Variants in IQCH observed in about 807,000 individuals in gnomAD.
IQCH encodes IQ motif containing H, also known as IQ domain-containing protein H.
A neutral mutation model predicts 117.0 loss-of-function variants in IQCH; 98 were observed. The ratio of observed to expected loss-of-function variants is 0.84; its 90% CI spans 0.71 to 0.99. The LOEUF (loss-of-function observed/expected upper bound fraction) is 0.99. Among genes scored for constraint, IQCH ranks in the 50% least tolerant of loss-of-function variants. The pLI, the probability that IQCH is intolerant of heterozygous loss-of-function variation, is 0.00. For missense variants in IQCH, 1,102 were observed against 1,243.8 expected (o/e 0.89, Z 1.72); for synonymous variants, 412 against 448.2 (o/e 0.92, Z 1.02).
In IQCH at chr15:67,387,979, T is replaced by A. The variant is rs1971161822; in HGVS notation, c.1457-852T>A. 6.6e-6 allele frequency among the ~76,000 whole-genome samples: 1 copy of A among 152,192 alleles called. No homozygotes were observed. Among genetic ancestry groups the A allele is most frequent in the Non-Finnish European group, 1.5e-5 (1 of 68,040 alleles). ...GCATGCTTCATCGTGCCCACAATGA[T>A]TACTGTATTTCCCTCCACATTTAGC... is the stretch of plus-strand genomic sequence containing the variant. On this transcript the variant is annotated intron_variant, in intron 11 of 20. Transcript: ENST00000335894. This position sits in a 1 kb window ranked among gnomAD's most constrained non-coding sequence, Gnocchi z 4.8.
intron 18 of IQCH, among the ~76,000 whole-genome samples, chr15:67,480,788 A>G (rs2083318990): frequency 6.6e-6 from 1 of 152,178 alleles, no homozygotes; most frequent in Non-Finnish European, 1.5e-5. Flanking sequence ...ATTACTTGGA[A>G]GGCAAATAAT....
chr15:67,297,866 C>T (rs1039539198), intron 4 of IQCH, among the ~76,000 whole-genome samples: 2 of 151,996 alleles, frequency 1.3e-5, no homozygotes, highest in African/African-American at 2.4e-5. Context: ...AGCTTCTGCA[C>T]AGCAAAAAGA....
intron 1 of IQCH, among the ~76,000 whole-genome samples, chr15:67,258,404 T>C (rs2140424438): frequency 6.7e-6 from 1 of 150,094 alleles, no homozygotes; most frequent in East Asian, 2.0e-4. Context: ...GGTGGCATGC[T>C]CTTATAATCC....
At chr15:67,378,652 G>A (rs1970818166) in intron 10 of IQCH, among the ~76,000 whole-genome samples, 1 of 151,848 alleles carries the variant, frequency 6.6e-6, no homozygotes, top group East Asian at 1.9e-4. Context: ...AGTTGGTCCC[G>A]TGATCTTATA....
chr15:67,417,406 C>T lies in IQCH; in HGVS notation c.2218+355C>T, dbSNP rs1288192840. ...CCACCAAGGCTCGTTTCCTCACTTA[C>T]CTACCTTACAGGGTCATTGGGTGGA... On this transcript the variant is annotated intron_variant, in intron 15 of 20. Coordinates refer to ENST00000335894, the MANE Select transcript of IQCH (RefSeq NM_001031715.3). The surrounding 1 kb of genome is among the most constrained non-coding windows in gnomAD (Gnocchi z 4.3). 1.3e-5 allele frequency among the ~76,000 whole-genome samples: 2 copies of T among 152,284 alleles called. No homozygotes were observed. Among genetic ancestry groups the T allele is most frequent in the South Asian group, 4.1e-4 (2 of 4,820 alleles).
intron 8 of IQCH, among the ~76,000 whole-genome samples, chr15:67,368,508 TA>T (rs1970412628): frequency 1.3e-5 from 2 of 152,244 alleles, no homozygotes; most frequent in Non-Finnish European, 2.9e-5. Flanking sequence ...ATTCATATTC[TA>T]AATGCAAACT....
At chr15:67,283,326 G>A in intron 4 of IQCH, among the ~76,000 whole-genome samples, 1 of 152,164 alleles carries the variant, frequency 6.6e-6, no homozygotes, top group East Asian at 1.9e-4. Flanking sequence ...TACGTATGCA[G>A]ATATGTAGGG....
chr15:67,367,389 A>G (rs1437572992), intron 8 of IQCH, among the ~76,000 whole-genome samples: 1 of 151,986 alleles, frequency 6.6e-6, no homozygotes, highest in Non-Finnish European at 1.5e-5. Flanking sequence ...AATTACAAAA[A>G]TTAGATGGGC....
In IQCH at chr15:67,304,340, G is replaced by A. The variant is rs950058541; in HGVS notation, c.387+24828G>A. The stretch of plus-strand genomic sequence containing the variant: ...AGTTTCATTGTTTCTTTGTTTCAGC[G>A]AAAGATAGGGTTGAATGTAAAAATC... On this transcript the variant is annotated intron_variant, in intron 4 of 20. Coordinates refer to ENST00000335894, the MANE Select transcript of IQCH (RefSeq NM_001031715.3). 5.4e-5 allele frequency: 81 copies of A among 1,493,926 alleles called. No individual in the cohort carries two copies. The African/African-American group carries it at 7.8e-4, about 14-fold the overall frequency. 92.5% of individuals were successfully genotyped at this position (1,493,926 alleles called of 1,614,324 possible).
chr15:67,266,518 G>A (rs58056167), intron 3 of IQCH, among the ~76,000 whole-genome samples: 2,218 of 152,204 alleles, frequency 0.015, 53 homozygotes, highest in African/African-American at 0.047. Context: ...TTAGCCAGGC[G>A]TGGTGGCAGG....
chr15:67,267,756 A>G (rs996879146), intron 3 of IQCH, among the ~76,000 whole-genome samples: 1 of 152,220 alleles, frequency 6.6e-6, no homozygotes, highest in Non-Finnish European at 1.5e-5. Context: ...CTGAGAATCA[A>G]CATTGTTTAG....
chr15:67,367,226 T>C (rs1434939818), intron 8 of IQCH, among the ~76,000 whole-genome samples: 1 of 152,138 alleles, frequency 6.6e-6, no homozygotes, highest in Non-Finnish European at 1.5e-5. Context: ...GACAAATTGC[T>C]TTCCAGCCTG....
Position 67,384,523 on chromosome 15 carries a change from G to A in IQCH, c.1373-413G>A, listed in dbSNP as rs974040600. On this transcript the variant is annotated intron_variant, in intron 10 of 20. Coordinates refer to ENST00000335894, the MANE Select transcript of IQCH (RefSeq NM_001031715.3). The surrounding 1 kb of genome is among the most constrained non-coding windows in gnomAD (Gnocchi z 4.3). ...TATCTGAAATCTATGTGTCACTTTA[G>A]AATGATTCTGGAACACATCTTCAAA... Among the ~76,000 whole-genome samples the A allele has an allele frequency of 6.6e-6, 1 of 152,060 alleles. No individual in the cohort carries two copies. Among genetic ancestry groups the A allele is most frequent in the Non-Finnish European group, 1.5e-5 (1 of 68,002 alleles).
chr15:67,475,711 C>T lies in IQCH; in HGVS notation c.2692C>T (p.Arg898Cys), dbSNP rs371855041. Reference protein sequence around the residue: ...ALSMPMLATSRYAVMTTQLRH... With the variant: ...ALSMPMLATSCYAVMTTQLRH... The stretch of plus-strand genomic sequence containing the variant: ...TCCTTTCCAGATGCTGGCAACCAGT[C>T]GCTATGCAGTGATGACCACCCAGCT... Residue 898 changes from arginine to cysteine, a missense_variant, in exon 18 of 21, where the codon CGC (arginine) becomes TGC (cysteine). This residue lies in a region of IQCH where 650 missense variants were observed against 794.3 expected (regional missense o/e 0.82). Transcript: ENST00000335894. This position sits in a 1 kb window ranked among gnomAD's most constrained non-coding sequence, Gnocchi z 5.7. 1.1e-4 allele frequency: 172 copies of T among 1,613,628 alleles called. No homozygotes were observed. The highest frequency in any genetic ancestry group is 1.4e-4 in the Non-Finnish European group (167 of 1,179,744).
rs989165011 is a variant in IQCH, at chr15:67,436,179, G to A, written c.2505+14602G>A. On this transcript the variant is annotated intron_variant, in intron 16 of 20. Coordinates refer to ENST00000335894, the MANE Select transcript of IQCH (RefSeq NM_001031715.3). The surrounding 1 kb of genome is among the most constrained non-coding windows in gnomAD (Gnocchi z 5.1). Reference sequence around the variant, plus strand: ...CTCCATATTCAATAAATGTATTATCGAGACCCACTGAAGGAAGCCGACTGC... The same window carrying A: ...CTCCATATTCAATAAATGTATTATCAAGACCCACTGAAGGAAGCCGACTGC... 6.6e-6 allele frequency among the ~76,000 whole-genome samples: 1 copy of A among 151,854 alleles called. No individual in the cohort carries two copies. Among genetic ancestry groups the A allele is most frequent in the African/African-American group, 2.4e-5 (1 of 41,314 alleles).
intron 20 of IQCH, among the ~76,000 whole-genome samples, chr15:67,499,702 G>C (rs2083927347): frequency 6.6e-6 from 1 of 152,058 alleles, no homozygotes; most frequent in African/African-American, 2.4e-5. Flanking sequence ...AACAACCCAA[G>C]TGTCCATCGA....
intron 16 of IQCH, among the ~76,000 whole-genome samples, chr15:67,446,677 T>G (rs920481146): frequency 6.6e-6 from 1 of 152,132 alleles, no homozygotes; most frequent in African/African-American, 2.4e-5. Context: ...TTGAAATTTT[T>G]CCCAGGGCCC....
At chr15:67,345,843 G>A (rs539203117) in intron 6 of IQCH, among the ~76,000 whole-genome samples, 2 of 152,300 alleles carry the variant, frequency 1.3e-5, no homozygotes, top group South Asian at 4.1e-4. Context: ...ATGTATCAAT[G>A]ATGGTTTCTT....
At chr15:67,311,088 A>C (rs1186927173) in intron 4 of IQCH, among the ~76,000 whole-genome samples, 1 of 152,092 alleles carries the variant, frequency 6.6e-6, no homozygotes, top group Non-Finnish European at 1.5e-5. Context: ...AAGGAAACTG[A>C]GACTAAGATT....
Sources: allele counts gnomAD v4.1 joint callset (sites outside exome capture counted in the v4.1 genomes callset), GRCh38; gene constraint gnomAD v4.1.1; regional missense constraint gnomAD v4.1.1; non-coding constraint Gnocchi (gnomAD v3.1); transcripts MANE v1.5; gene names NCBI Gene and HGNC (gene_info 2026-07-23, HGNC 2026-07-21).